MYBPC1: variants seen among roughly 807,000 people sequenced by gnomAD.
MYBPC1 encodes the protein myosin binding protein C1.
Under a neutral mutation model 147.1 loss-of-function variants are expected in MYBPC1, and 52 were observed. The ratio of observed to expected loss-of-function variants is 0.35; its 90% CI spans 0.28 to 0.45. The LOEUF (loss-of-function observed/expected upper bound fraction) is 0.45, where lower values mean the gene tolerates loss of function less well. MYBPC1 is among the 20% of genes least tolerant of loss of function. The pLI is 1.00. For missense variants in MYBPC1, 1,228 were observed against 1,440.3 expected (o/e 0.85, Z 2.39); for synonymous variants, 477 against 475.9 (o/e 1.00, Z -0.03).
intron 1 of MYBPC1, among the ~76,000 whole-genome samples, chr12:101,612,995 G>A (rs931800127): frequency 2.0e-5 from 3 of 152,066 alleles, no homozygotes; most frequent in Non-Finnish European, 2.9e-5. Flanking sequence ...ATCCTGCCAC[G>A]TTTTCTTCTG....
chr12:101,623,151 C>T (rs1289042692), intron 3 of MYBPC1, among the ~76,000 whole-genome samples: 1 of 152,096 alleles, frequency 6.6e-6, no homozygotes, highest in Non-Finnish European at 1.5e-5. Context: ...CCAGCCTGGC[C>T]AATATGGTGA....
rs1054250959 is a variant in MYBPC1 at position 101,601,672 on chromosome 12, G to A, written c.25+6577G>A. 7.9e-5 allele frequency among the ~76,000 whole-genome samples: 12 copies of A among 152,092 alleles called. No homozygotes were observed. The South Asian group carries it at 8.3e-4, about 10-fold the overall frequency. ...GGCCAATTTGGCACATCAGGGCAGC[G>A]TCTAAAATTACATTTAATAATATGT... On this transcript the variant is annotated intron_variant, in intron 1 of 31. Transcript: ENST00000361466.
chr12:101,688,870 T>A (rs1951382561), downstream of MYBPC1, among the ~76,000 whole-genome samples: 1 of 149,634 alleles, frequency 6.7e-6, no homozygotes, highest in Admixed American at 6.8e-5. Context: ...TGAGAATAGC[T>A]TAAACCCAGG....
At chr12:101,651,553 G>A (rs550984225) in intron 16 of MYBPC1, among the ~76,000 whole-genome samples, 160 bp downstream of exon 16, 1 of 152,324 alleles carries the variant, frequency 6.6e-6, no homozygotes, top group South Asian at 2.1e-4. Flanking sequence ...TGATTTCTCT[G>A]TTGTATAGCA....
In MYBPC1 at chr12:101,640,232, G is replaced by A. The variant is rs549782482; in HGVS notation, c.666-2187G>A. Among the ~76,000 whole-genome samples, 6 of 152,130 alleles carry A rather than the reference G, an allele frequency of 3.9e-5. 1 individual carries two copies. The East Asian group carries it at 1.2e-3, about 29-fold the overall frequency. On this transcript the variant is annotated intron_variant, in intron 10 of 31. Coordinates refer to ENST00000361466, the MANE Select transcript of MYBPC1 (RefSeq NM_002465.4). ...TCACCATGTTGCCCAGGCTGGTCTC[G>A]AACTCCTGAGCCCAAGTAATCTTCC...
Position 101,667,801 on chromosome 12 carries a change from C to T in MYBPC1, c.2426C>T (p.Thr809Ile), listed in dbSNP as rs377431431. ...KTKFTITGLP[T>I]DAKIFVRVKA... ...AAGTTCACCATCACAGGTCTGCCAACAGATGCAAAGATCTTTGTGCGTGTG... is the reference window on the plus strand; with the variant it reads ...AAGTTCACCATCACAGGTCTGCCAATAGATGCAAAGATCTTTGTGCGTGTG... Residue 809 changes from threonine (T) to isoleucine (I), a missense_variant, in exon 23 of 32, where the codon ACA becomes ATA. Transcript: ENST00000361466. 1 of 1,614,082 alleles carries T rather than the reference C, an allele frequency of 6.2e-7. No individual in the cohort carries two copies. Among genetic ancestry groups the T allele is most frequent in the African/African-American group, 1.3e-5 (1 of 74,936 alleles).
At chr12:101,629,161 A>G in intron 5 of MYBPC1, 1 of 437,982 alleles carries the variant, frequency 2.3e-6, no homozygotes. Flanking sequence ...TATTGCCATC[A>G]AAGAGAGAAT....
At chr12:101,688,572 A>C (rs557238626), downstream of MYBPC1, among the ~76,000 whole-genome samples, 3 of 150,650 alleles carry the variant, frequency 2.0e-5, no homozygotes, top group Admixed American at 6.6e-5. Flanking sequence ...CATTTTTAGA[A>C]TAATTCTGAA....
At chr12:101,666,760 G>C (rs1445962247) in intron 22 of MYBPC1, 5 of 1,613,926 alleles carry the variant, frequency 3.1e-6, no homozygotes, top group Non-Finnish European at 4.2e-6. Context: ...CAGCAAAACA[G>C]TCTGATGAAA....
At chr12:101,614,631 A>T in intron 2 of MYBPC1, 100 bp downstream of exon 2, 1 of 1,206,424 alleles carries the variant, frequency 8.3e-7, no homozygotes, top group Non-Finnish European at 1.2e-6. Context: ...TGTGAGCTTT[A>T]ACCTAACTCC....
At chr12:101,688,474 A>AG (rs1195282449), downstream of MYBPC1, among the ~76,000 whole-genome samples, 3 of 152,174 alleles carry the variant, frequency 2.0e-5, no homozygotes, top group African/African-American at 7.2e-5. Flanking sequence ...AAGAAGGCTT[A>AG]ATGAATGTTC....
intron 1 of MYBPC1, among the ~76,000 whole-genome samples, 173 bp from the exon 2 acceptor site, chr12:101,614,323 T>A (rs533638923): frequency 2.2e-4 from 33 of 151,610 alleles, no homozygotes; most frequent in African/African-American, 6.3e-4. Flanking sequence ...TGTGTGTGTG[T>A]GTGAGAGAGA....
chr12:101,639,879 A>C (rs759439204), intron 10 of MYBPC1, among the ~76,000 whole-genome samples: 2 of 151,880 alleles, frequency 1.3e-5, no homozygotes, highest in African/African-American at 2.4e-5. Context: ...TACAAATTTA[A>C]CATAATCCAG....
Position 101,678,352 on chromosome 12 carries a change from G to A in MYBPC1, c.3246+114G>A, listed in dbSNP as rs189357353. Reference sequence around the variant, plus strand: ...GCTACTTGTGTCTTCCCAGGATGGGGGATTAGAAGGTGGTAGTGGTGGTAG... The same window carrying A: ...GCTACTTGTGTCTTCCCAGGATGGGAGATTAGAAGGTGGTAGTGGTGGTAG... On this transcript the variant is annotated intron_variant, in intron 28 of 31. Transcript: ENST00000361466. 2.6e-5 allele frequency: 38 copies of A among 1,443,052 alleles called. 1 individual carries two copies. The highest frequency in any genetic ancestry group is 3.5e-4 in the Middle Eastern group (2 of 5,744). 89.4% of individuals were successfully genotyped at this position (1,443,052 alleles called of 1,614,324 possible).
At chr12:101,631,511 T>G (rs1281431566) in intron 6 of MYBPC1, 60 bp from the exon 7 acceptor site, 1 of 1,590,908 alleles carries the variant, frequency 6.3e-7, no homozygotes, top group African/African-American at 1.3e-5. Context: ...TCCTTCCAGT[T>G]GAAAGCAAAA....
At chr12:101,612,528 C>T (rs1165376374) in intron 1 of MYBPC1, among the ~76,000 whole-genome samples, 1 of 152,124 alleles carries the variant, frequency 6.6e-6, no homozygotes, top group Non-Finnish European at 1.5e-5. Flanking sequence ...GAATGCGAAC[C>T]TGGGGAGTGT....
At chr12:101,666,930 T>TACAC (rs564354596) in intron 22 of MYBPC1, 19 of 377,086 alleles carry the variant, frequency 5.0e-5, no homozygotes, top group African/African-American at 4.4e-4. Context: ...CACACACACA[T>TACAC]ACACACACAC....
At chr12:101,655,756 A>G (rs1301534025) in intron 18 of MYBPC1, among the ~76,000 whole-genome samples, 1 of 152,230 alleles carries the variant, frequency 6.6e-6, no homozygotes, top group African/African-American at 2.4e-5. Context: ...TTTGTTGCCA[A>G]TGGATCTGTC....
At chr12:101,610,074 G>T (rs1883699533) in intron 1 of MYBPC1, among the ~76,000 whole-genome samples, 1 of 152,150 alleles carries the variant, frequency 6.6e-6, no homozygotes, top group Admixed American at 6.5e-5. Context: ...CAAGGTAAAT[G>T]GGGACACCTT....
Sources: allele counts gnomAD v4.1 joint callset (sites outside exome capture counted in the v4.1 genomes callset), GRCh38; gene constraint gnomAD v4.1.1; transcripts MANE v1.5; gene names NCBI Gene and HGNC (gene_info 2026-07-23, HGNC 2026-07-21).